FGF12: variants seen among roughly 807,000 people sequenced by gnomAD.
FGF12 encodes the protein fibroblast growth factor 12B.
Under a neutral mutation model 23.6 loss-of-function variants are expected in FGF12, and 14 were observed. The observed-to-expected ratio is 0.59, with a 90% CI of 0.39 to 0.93. The LOEUF (loss-of-function observed/expected upper bound fraction) is 0.93. Ranked by LOEUF, FGF12 falls within the 40% of genes least tolerant of loss-of-function variation. The probability of loss-of-function intolerance (pLI) is 0.00; values close to 1 mark genes in which losing one functional copy is unlikely to be tolerated. For synonymous variants in FGF12, 62 were observed against 77.3 expected, an observed-to-expected ratio of 0.80 and a Z score of 1.04; for missense variants, 175 against 217.8, an observed-to-expected ratio of 0.80 and a Z score of 1.24.
At chr3:192,668,226 T>C (rs1716970834) in intron 2 of FGF12, among the ~76,000 whole-genome samples, 1 of 151,200 alleles carries the variant, frequency 6.6e-6, no homozygotes, top group Admixed American at 6.6e-5. Context: ...AAATAAGTTA[T>C]ATAAAATTGA....
At chr3:192,261,810 C>A (rs1427822768) in intron 4 of FGF12, among the ~76,000 whole-genome samples, 1 of 152,152 alleles carries the variant, frequency 6.6e-6, no homozygotes, top group African/African-American at 2.4e-5. Flanking sequence ...CGTGTTATCT[C>A]CAGCAGCCTG....
intron 2 of FGF12, among the ~76,000 whole-genome samples, chr3:192,663,381 C>T (rs1716740649): frequency 6.6e-6 from 1 of 152,188 alleles, no homozygotes; most frequent in Admixed American, 6.5e-5. Flanking sequence ...AAAGCACCTA[C>T]TCCAGAGGGT....
intron 5 of FGF12, among the ~76,000 whole-genome samples, chr3:192,149,317 T>TTC (rs1472155072): frequency 6.6e-6 from 1 of 151,452 alleles, no homozygotes; most frequent in Non-Finnish European, 1.5e-5. Context: ...ATTTGAACCT[T>TTC]TTTTTTATTA....
chr3:192,378,309 C>T (rs1478865087), intron 2 of FGF12, among the ~76,000 whole-genome samples: 1 of 149,508 alleles, frequency 6.7e-6, no homozygotes, highest in African/African-American at 2.6e-5. Context: ...AGGGTTTTTG[C>T]CATGTTGCCC....
At chr3:192,494,856 ATAT>A (rs1723901813) in intron 2 of FGF12, among the ~76,000 whole-genome samples, 2 of 151,896 alleles carry the variant, frequency 1.3e-5, no homozygotes, top group African/African-American at 2.4e-5. Context: ...ATATATATAT[ATAT>A]AAAATACATT....
intron 2 of FGF12, among the ~76,000 whole-genome samples, chr3:192,639,033 AT>A (rs1294064164): frequency 6.6e-6 from 1 of 152,242 alleles, no homozygotes; most frequent in Non-Finnish European, 1.5e-5. Context: ...TGGGAAAAAA[AT>A]ATTTGCAAAC....
In FGF12 at chr3:192,378,121, G is replaced by GT. The variant is rs1470591967; in HGVS notation, c.14-17584dup. Among the ~76,000 whole-genome samples, 54 of 67,230 alleles carry GT rather than the reference G, an allele frequency of 8.0e-4. 3 individuals carry two copies. The highest frequency in any genetic ancestry group is 0.016 in the Middle Eastern group (2 of 126). The allele number at this position is 67,230 out of a possible 152,430, so 44.1% of individuals were successfully genotyped here. On this transcript the variant is annotated intron_variant, in intron 2 of 5. Transcript: ENST00000445105. ...TCTTTCTTTCCTTCTTTCTCTCTTT[G>GT]TTTTTTTTTCTCAGTGTCTCACTCT...
rs1387053807 is a variant in FGF12, at chr3:192,408,659, G to A, written c.14-48121C>T. On this transcript the variant is annotated intron_variant, in intron 2 of 5. Transcript: ENST00000445105. The surrounding 1 kb of genome is among the most constrained non-coding windows in gnomAD (Gnocchi z 7.3). Reference sequence around the variant, plus strand: ...TGGAGAGGCGCAAGCGTTGTAAGGTGTCCAAAGTATACCTACACATACATA... The same window carrying A: ...TGGAGAGGCGCAAGCGTTGTAAGGTATCCAAAGTATACCTACACATACATA... 12 of 1,019,600 alleles carry A rather than the reference G, an allele frequency of 1.2e-5. No homozygotes were observed. Among genetic ancestry groups the A allele is most frequent in the Non-Finnish European group, 1.4e-5 (12 of 851,230 alleles). The allele number at this position is 1,019,600 out of a possible 1,614,324, so 63.2% of individuals were successfully genotyped here.
intron 2 of FGF12, among the ~76,000 whole-genome samples, chr3:192,502,330 T>C (rs1324993929): frequency 2.6e-5 from 4 of 152,232 alleles, no homozygotes; most frequent in Admixed American, 2.6e-4. Context: ...TTCCTCTGCA[T>C]TTGGCTGCCC....
At chr3:192,580,922 T>C (rs1282258278) in intron 2 of FGF12, among the ~76,000 whole-genome samples, 1 of 152,204 alleles carries the variant, frequency 6.6e-6, no homozygotes, top group Non-Finnish European at 1.5e-5. Flanking sequence ...TTAATGACAC[T>C]AATACATGTT....
intron 2 of FGF12, among the ~76,000 whole-genome samples, chr3:192,583,408 C>T (rs149893669): frequency 1.7e-4 from 26 of 152,220 alleles, no homozygotes; most frequent in African/African-American, 6.3e-4. Flanking sequence ...TGTTACCGGT[C>T]CTAAAAAAAT....
Position 192,408,106 on chromosome 3 carries a change from G to C in FGF12, c.14-47568C>G. The C allele has an allele frequency of 6.2e-7, 1 of 1,613,240 alleles. No individual in the cohort carries two copies. Among genetic ancestry groups the C allele is most frequent in the South Asian group, 1.1e-5 (1 of 91,078 alleles). On this transcript the variant is annotated intron_variant, in intron 2 of 5. Transcript: ENST00000445105. This position sits in a 1 kb window ranked among gnomAD's most constrained non-coding sequence, Gnocchi z 7.3. ...ACCCCGAGGACGTGCCTCTCGCACA[G>C]GGAGCGCCCGTCTTTGCTGGGGCTG...
intron 2 of FGF12, among the ~76,000 whole-genome samples, chr3:192,513,497 G>A (rs1265815208): frequency 3.3e-5 from 5 of 152,030 alleles, no homozygotes; most frequent in African/African-American, 1.2e-4. Context: ...AGACTGATGA[G>A]TAACCACAAA....
intron 3 of FGF12, among the ~76,000 whole-genome samples, chr3:192,356,323 A>C (rs931494701): frequency 1.3e-5 from 2 of 152,132 alleles, no homozygotes; most frequent in African/African-American, 4.8e-5. Context: ...AATGCTCTTA[A>C]TATTTTATTG....
chr3:192,671,190 A>G (rs1300235703), intron 2 of FGF12, among the ~76,000 whole-genome samples: 2 of 152,258 alleles, frequency 1.3e-5, no homozygotes, highest in Non-Finnish European at 2.9e-5. Flanking sequence ...AATTTAGATT[A>G]TCCTGCAGAG....
At chr3:192,431,492 A>G (rs1043874579) in intron 2 of FGF12, among the ~76,000 whole-genome samples, 1 of 152,200 alleles carries the variant, frequency 6.6e-6, no homozygotes, top group African/African-American at 2.4e-5. Flanking sequence ...CTAGAAAACT[A>G]AAGAAAACCA....
At position 192,435,095 on chromosome 3, in the gene FGF12, G is replaced by C. The variant is rs148133864; in HGVS notation, c.14-74557C>G. Among the ~76,000 whole-genome samples the C allele has an allele frequency of 3.1e-3, 465 of 152,044 alleles. 3 individuals are homozygous for C. The highest frequency in any genetic ancestry group is 0.011 in the African/African-American group (453 of 41,480). ...GTCTTGGTCTCATTTTCCTCAACAG[G>C]GTAAGTGATTTTACAGCTGTTCCAA... On this transcript the variant is annotated intron_variant, in intron 2 of 5. Coordinates refer to ENST00000445105, the MANE Select transcript of FGF12 (RefSeq NM_004113.6).
chr3:192,650,322 C>T (rs1402425027), intron 2 of FGF12, among the ~76,000 whole-genome samples: 4 of 152,182 alleles, frequency 2.6e-5, no homozygotes, highest in Admixed American at 6.5e-5. Context: ...AGGTGTCTAC[C>T]GACTTACAAC....
chr3:192,480,729 G>A (rs1354964004), intron 2 of FGF12, among the ~76,000 whole-genome samples: 2 of 152,044 alleles, frequency 1.3e-5, no homozygotes, highest in Non-Finnish European at 2.9e-5. Flanking sequence ...CAGCAATATG[G>A]AACACAGCAA....
Sources: allele counts gnomAD v4.1 joint callset (sites outside exome capture counted in the v4.1 genomes callset), GRCh38; gene constraint gnomAD v4.1.1; non-coding constraint Gnocchi (gnomAD v3.1); transcripts MANE v1.5; gene names NCBI Gene and HGNC (gene_info 2026-07-23, HGNC 2026-07-21).